The following LPP variants were observed in gnomAD, a reference collection of about 807,000 sequenced individuals.
The protein encoded by LPP is lipoma-preferred partner.
A neutral mutation model predicts 60.4 loss-of-function variants in LPP; 38 were observed. The observed-to-expected ratio is 0.63, with a 90% confidence interval of 0.49 to 0.83. LPP has a LOEUF of 0.83. Ranked by LOEUF, LPP falls within the 40% of genes least tolerant of loss-of-function variation. LPP has a pLI of 0.00. For missense variants in LPP, 902 were observed against 783.6 expected, an observed-to-expected ratio of 1.15 and a Z score of -1.80; for synonymous variants, 328 against 290.8, an observed-to-expected ratio of 1.13 and a Z score of -1.30.
intron 2 of LPP, among the ~76,000 whole-genome samples, chr3:188,278,783 C>T (rs115290637): frequency 0.015 from 2,308 of 152,064 alleles, 22 homozygotes; most frequent in Non-Finnish European, 0.022. Flanking sequence ...TGGAGAGAGG[C>T]GTGTCCTTTG....
At chr3:188,829,944 G>A (rs1231865742) in intron 9 of LPP, among the ~76,000 whole-genome samples, 3 of 151,334 alleles carry the variant, frequency 2.0e-5, no homozygotes, top group Non-Finnish European at 4.4e-5. Context: ...GACTGAGGCA[G>A]GTGGATCACT....
At chr3:188,827,329 A>G (rs1755826762) in intron 9 of LPP, among the ~76,000 whole-genome samples, 1 of 152,198 alleles carries the variant, frequency 6.6e-6, no homozygotes, top group South Asian at 2.1e-4. Flanking sequence ...TATTAGACAC[A>G]TGATTGTGAG....
chr3:188,764,225 A>G (rs1056586881), intron 9 of LPP, among the ~76,000 whole-genome samples: 4 of 152,184 alleles, frequency 2.6e-5, no homozygotes, highest in Admixed American at 2.0e-4. Flanking sequence ...TCCTAATTCT[A>G]GCTCTCCTGG....
chr3:188,520,412 C>A (rs952415193), intron 5 of LPP, among the ~76,000 whole-genome samples: 2 of 152,182 alleles, frequency 1.3e-5, no homozygotes, highest in African/African-American at 4.8e-5. Context: ...GCCTTCTCTG[C>A]AACCATTTAA....
intron 6 of LPP, among the ~76,000 whole-genome samples, chr3:188,583,330 A>T (rs758933155): frequency 3.9e-5 from 6 of 152,068 alleles, no homozygotes; most frequent in Non-Finnish European, 8.8e-5. Flanking sequence ...CTTTGCTCTG[A>T]TCCCCAGAGA....
At chr3:188,848,896 G>A (rs1326378394) in intron 9 of LPP, among the ~76,000 whole-genome samples, 1 of 151,832 alleles carries the variant, frequency 6.6e-6, no homozygotes, top group Non-Finnish European at 1.5e-5. Context: ...AGCCTAGGAG[G>A]CGGAGGTTGC....
chr3:188,605,608 A>C (rs13066718), intron 6 of LPP, among the ~76,000 whole-genome samples: 38,842 of 152,072 alleles, frequency 0.26, 5,485 homozygotes, highest in Non-Finnish European at 0.32. Context: ...AGGTATATCA[A>C]GTTGTGGCCA....
At chr3:188,845,093 T>C (rs1761073194) in intron 9 of LPP, among the ~76,000 whole-genome samples, 1 of 152,232 alleles carries the variant, frequency 6.6e-6, no homozygotes, top group Non-Finnish European at 1.5e-5. Flanking sequence ...AGTTTGAAAA[T>C]GCAGTTCACA....
chr3:188,771,249 A>T (rs1224477624), intron 9 of LPP, among the ~76,000 whole-genome samples: 1 of 152,094 alleles, frequency 6.6e-6, no homozygotes, highest in African/African-American at 2.4e-5. Flanking sequence ...ATCAAAAAAA[A>T]TTTAAAAAGA....
intron 7 of LPP, among the ~76,000 whole-genome samples, chr3:188,659,013 C>A (rs1475133525): frequency 6.6e-6 from 1 of 152,214 alleles, no homozygotes; most frequent in African/African-American, 2.4e-5. Context: ...ACACAAGGTG[C>A]TCTTAGTGAC....
At chr3:188,484,519 G>C in intron 4 of LPP, 73 bp from the exon 5 acceptor site, 2 of 1,063,370 alleles carry the variant, frequency 1.9e-6, no homozygotes, top group Non-Finnish European at 2.8e-6. Flanking sequence ...AAAGTAAAAT[G>C]CCAGCAAATA....
chr3:188,331,120 T>C (rs1368494397), intron 2 of LPP, among the ~76,000 whole-genome samples: 1 of 152,192 alleles, frequency 6.6e-6, no homozygotes, highest in Non-Finnish European at 1.5e-5. Context: ...TTGTCTCAGC[T>C]TCTTGAGGAT....
At position 188,872,824 on chromosome 3, in the gene LPP, A is replaced by C. The variant is rs1279237430; in HGVS notation, c.1710+61A>C. The C allele has an allele frequency of 7.5e-6, 12 of 1,604,732 alleles. No homozygotes were observed. In the Admixed American group the frequency reaches 2.0e-4, roughly 27 times the overall value. On this transcript the variant is annotated intron_variant, in intron 11 of 11. Coordinates refer to ENST00000617246, the MANE Select transcript of LPP (RefSeq NM_001375462.1). ...AGGCGTTGAAAGGCTCGTTCGAGCT[A>C]GGTTTACATAGATGTAGCAATTACT...
Position 188,621,816 on chromosome 3 carries a change from C to T in LPP, c.1113+11972C>T, listed in dbSNP as rs554168825. Among the ~76,000 whole-genome samples, 16 of 152,156 alleles carry T rather than the reference C, an allele frequency of 1.1e-4. No individual in the cohort carries two copies. The East Asian group carries it at 1.7e-3, about 17-fold the overall frequency. On this transcript the variant is annotated intron_variant, in intron 7 of 11. Coordinates refer to ENST00000617246, the MANE Select transcript of LPP (RefSeq NM_001375462.1). ...CTGGGATTACAGGCATGCACCACCA[C>T]GCCCAGCTACTTTTTGTATGTTTAG...
chr3:188,293,210 T>C (rs1746618996), intron 2 of LPP, among the ~76,000 whole-genome samples: 1 of 152,250 alleles, frequency 6.6e-6, no homozygotes. Context: ...TATTTATTAC[T>C]AAGTGGTTGG....
chr3:188,253,491 A>C (rs1444102718), intron 2 of LPP, among the ~76,000 whole-genome samples: 2 of 152,152 alleles, frequency 1.3e-5, no homozygotes, highest in African/African-American at 2.4e-5. Context: ...TTAGTATGAA[A>C]ATATCTTCTC....
At chr3:188,750,361 T>G (rs1364626599) in intron 8 of LPP, among the ~76,000 whole-genome samples, 1 of 152,184 alleles carries the variant, frequency 6.6e-6, no homozygotes. Flanking sequence ...CCAGGTGTGG[T>G]GGTTCACACT....
chr3:188,465,387 T>A (rs1157282775), intron 4 of LPP, among the ~76,000 whole-genome samples: 1 of 152,162 alleles, frequency 6.6e-6, no homozygotes, highest in East Asian at 1.9e-4. Flanking sequence ...ATGTCCTAGT[T>A]AAGGCTGTGT....
At chr3:188,407,296 G>C (rs1292024183) in intron 4 of LPP, among the ~76,000 whole-genome samples, 1 of 152,184 alleles carries the variant, frequency 6.6e-6, no homozygotes. Flanking sequence ...CTGTGATATA[G>C]TCCAGTCCTC....
Sources: gnomAD v4.1 joint callset for allele counts (sites outside exome capture counted in the v4.1 genomes callset) on GRCh38, gnomAD v4.1.1 for gene constraint, MANE v1.5 for transcripts, NCBI Gene and HGNC (gene_info 2026-07-23, HGNC 2026-07-21) for gene names.